The following MIER3 variants were observed in gnomAD, a reference collection of about 807,000 sequenced individuals.
MIER3 encodes MIER family member 3, also known as mesoderm induction early response protein 3.
In MIER3, 9 loss-of-function variants were observed where a neutral mutation model predicts 63.2. The ratio of observed to expected loss-of-function variants is 0.14; its 90% CI spans 0.09 to 0.25. The LOEUF (loss-of-function observed/expected upper bound fraction) is 0.25, where lower values mean the gene tolerates loss of function less well. Among genes scored for constraint, MIER3 ranks in the 10% least tolerant of loss-of-function variants. The pLI is 1.00. For synonymous variants in MIER3, 205 were observed against 224.9 expected (o/e 0.91, Z 0.79); for missense variants, 512 against 666.2 (o/e 0.77, Z 2.55).
At chr5:56,940,321 A>G (rs1263016215) in intron 3 of MIER3, among the ~76,000 whole-genome samples, 1 of 152,242 alleles carries the variant, frequency 6.6e-6, no homozygotes, top group East Asian at 1.9e-4. Flanking sequence ...TTCCCTTTAA[A>G]ATAAAATAAT....
intron 8 of MIER3, 94 bp from the exon 9 acceptor site, chr5:56,930,839 G>C: frequency 1.0e-6 from 1 of 956,162 alleles, no homozygotes; most frequent in Non-Finnish European, 1.6e-6. Flanking sequence ...TTGGAGTCTT[G>C]ATAAACACTG....
At chr5:56,934,440 C>T (rs1481736217) in intron 7 of MIER3, among the ~76,000 whole-genome samples, 1 of 152,192 alleles carries the variant, frequency 6.6e-6, no homozygotes, top group East Asian at 1.9e-4. Context: ...CTCCAATCTG[C>T]AGCACTGACA....
At chr5:56,945,395 A>G (rs1349145116) in intron 3 of MIER3, among the ~76,000 whole-genome samples, 7 of 152,106 alleles carry the variant, frequency 4.6e-5, no homozygotes, top group Non-Finnish European at 8.8e-5. Flanking sequence ...CCCAGGAGGC[A>G]GAGGCTGCAG....
intron 8 of MIER3, among the ~76,000 whole-genome samples, chr5:56,931,744 T>C (rs116137297): frequency 0.011 from 1,638 of 152,186 alleles, 35 homozygotes; most frequent in African/African-American, 0.036. Context: ...TTACAGCTAA[T>C]GCATTAAGAC....
Position 56,937,670 on chromosome 5 carries a change from C to A in MIER3, c.344G>T (p.Gly115Val). The stretch of plus-strand genomic sequence containing the variant: ...AGAAGACTGAGTTTCCTCGTCATCA[C>A]CTGACAACAGGTCTTTTGCTATTTC... ...KEEIAKDLLSGDDEETQSSAD... is the reference protein window; with the variant it reads ...KEEIAKDLLSVDDEETQSSAD... Residue 115 changes from glycine to valine, a missense_variant, in exon 5 of 13, where the codon GGT becomes GTT. By Grantham distance (109) the Gly-to-Val change is moderately radical (BLOSUM62 -3). Coordinates refer to ENST00000381199, the MANE Select transcript of MIER3 (RefSeq NM_001297599.2). 6.2e-7 allele frequency: 1 copy of A among 1,610,722 alleles called. No individual in the cohort carries two copies. Among genetic ancestry groups the A allele is most frequent in the Non-Finnish European group, 8.5e-7 (1 of 1,178,294 alleles).
intron 3 of MIER3, chr5:56,941,675 TC>T (rs1750651318): frequency 6.6e-6 from 1 of 152,148 alleles, no homozygotes. Flanking sequence ...TGGACTTCAT[TC>T]CCAGGGCAAT....
At position 56,928,804 on chromosome 5, in the gene MIER3, A is replaced by C. The variant is rs1465935326; in HGVS notation, c.887T>G (p.Leu296Arg). 2 of 1,613,672 alleles carry C rather than the reference A, an allele frequency of 1.2e-6. No individual in the cohort carries two copies. Among genetic ancestry groups the C allele is most frequent in the African/African-American group, 2.7e-5 (2 of 74,912 alleles). The stretch of plus-strand genomic sequence containing the variant: ...TATAAGATGAAAATCTTTTCCAAAA[A>C]GCATGAGTGCATGTTCAAAGCTTCG... ...ECRSFEHALM[L>R]FGKDFHLIQK... The change falls in exon 10 of 13, where the codon CTT (leucine) becomes CGT (arginine). Residue 296 changes from leucine to arginine, a missense_variant. Coordinates refer to ENST00000381199, the MANE Select transcript of MIER3 (RefSeq NM_001297599.2).
At chr5:56,935,603 T>C (rs1162870834) in intron 6 of MIER3, 63 bp downstream of exon 6, 2 of 1,538,604 alleles carry the variant, frequency 1.3e-6, no homozygotes, top group African/African-American at 1.4e-5. Flanking sequence ...AACAAAATTA[T>C]CATAAATCAT....
intron 8 of MIER3, among the ~76,000 whole-genome samples, chr5:56,931,395 A>G (rs1423704477): frequency 4.6e-5 from 7 of 152,314 alleles, no homozygotes; most frequent in East Asian, 1.9e-4. Context: ...AACTTTTAAT[A>G]TATCAATAGC....
At chr5:56,950,577 G>T in intron 2 of MIER3, 51 bp downstream of exon 2, 1 of 1,592,702 alleles carries the variant, frequency 6.3e-7, no homozygotes, top group South Asian at 1.1e-5. Flanking sequence ...AGACCTTTGA[G>T]CCCACATTAC....
chr5:56,937,534 A>G, intron 5 of MIER3, 44 bp downstream of exon 5: 6 of 1,542,018 alleles, frequency 3.9e-6, no homozygotes, highest in Non-Finnish European at 5.3e-6. Context: ...CTAAAGCTAC[A>G]GTATCAATGT....
At position 56,942,023 on chromosome 5, in the gene MIER3, A is replaced by C. The variant is rs528913342; in HGVS notation, c.181-3006T>G. Among the ~76,000 whole-genome samples the C allele has an allele frequency of 3.8e-4, 58 of 152,328 alleles. 1 individual carries two copies. The highest frequency in any genetic ancestry group is 7.7e-4 in the African/African-American group (32 of 41,570). On this transcript the variant is annotated intron_variant, in intron 3 of 12. Transcript: ENST00000381199. ...AGGAATAAAAGGTTTTTGAAGAAAA[A>C]AACAACAACAACAAGAGTTCTGCAA...
intron 10 of MIER3, 41 bp from the exon 11 acceptor site, chr5:56,924,083 A>C: frequency 6.3e-7 from 1 of 1,584,254 alleles, no homozygotes. Context: ...AACAAACTCA[A>C]CCATTTTTTT....
chr5:56,948,162 C>T (rs568086878), intron 2 of MIER3, among the ~76,000 whole-genome samples: 1 of 152,316 alleles, frequency 6.6e-6, no homozygotes, highest in Admixed American at 6.5e-5. Context: ...TACCAAAACA[C>T]TGAACTGGGC....
At chr5:56,946,873 C>A in intron 3 of MIER3, 53 bp downstream of exon 3, 1 of 1,267,130 alleles carries the variant, frequency 7.9e-7, no homozygotes, top group Non-Finnish European at 1.0e-6. Flanking sequence ...TTTAAAATTA[C>A]AACAGAATTT....
chr5:56,928,954 AACTCTCTCTCTCTCTCACACACACAC>A (rs1342118980), intron 9 of MIER3, 93 bp from the exon 10 acceptor site: 6,794 of 642,612 alleles, frequency 0.011, 918 homozygotes, highest in Admixed American at 0.019. Flanking sequence ...AAAGGTCACA[AACTCTCTCTCTCTCTCACACACACAC>A]ACTCTCTCTC....
chr5:56,945,368 C>A (rs1057018151), intron 3 of MIER3, among the ~76,000 whole-genome samples: 1 of 152,038 alleles, frequency 6.6e-6, no homozygotes, highest in Non-Finnish European at 1.5e-5. Context: ...GAGGCTGAGG[C>A]AGGAGAATCA....
chr5:56,930,707 C>G lies in MIER3; in HGVS notation c.786G>C (p.Lys262Asn). ...TGCAGCAGTATCTTTCGATTGCTTCCTTTATATTGTGGTTACACTTGAGAA... is the reference window on the plus strand; with the variant it reads ...TGCAGCAGTATCTTTCGATTGCTTCGTTTATATTGTGGTTACACTTGAGAA... ...YELLKCNHNIKEAIERYCCNG... is the reference protein window; with the variant it reads ...YELLKCNHNINEAIERYCCNG... The change falls in exon 9 of 13, where the codon AAG (lysine) becomes AAC (asparagine). Residue 262 changes from lysine (K) to asparagine (N), a missense_variant. Physicochemically the swap from Lys to Asn is moderately conservative, Grantham distance 94. Coordinates refer to ENST00000381199, the MANE Select transcript of MIER3 (RefSeq NM_001297599.2). 6.2e-7 allele frequency: 1 copy of G among 1,613,822 alleles called. No homozygotes were observed. The highest frequency in any genetic ancestry group is 2.2e-5 in the East Asian group (1 of 44,856).
At chr5:56,938,722 G>T in intron 4 of MIER3, 161 bp downstream of exon 4, 1 of 766,638 alleles carries the variant, frequency 1.3e-6, no homozygotes, top group Non-Finnish European at 2.1e-6. Context: ...TCTTAACATA[G>T]GGTGATCAAA....
Sources: allele counts gnomAD v4.1 joint callset (sites outside exome capture counted in the v4.1 genomes callset), GRCh38; gene constraint gnomAD v4.1.1; transcripts MANE v1.5; gene names NCBI Gene and HGNC (gene_info 2026-07-23, HGNC 2026-07-21).